ASXL1: variants seen among roughly 807,000 people sequenced by gnomAD.
ASXL1 encodes the protein polycomb group protein ASXL1.
A neutral mutation model predicts 89.1 loss-of-function variants in ASXL1; 65 were observed. That is an observed-to-expected ratio of 0.73 (90% CI 0.60 to 0.90). The LOEUF is 0.90. ASXL1 is among the 40% of genes least tolerant of loss of function. The probability of loss-of-function intolerance (pLI) is 0.00; values close to 1 mark genes in which losing one functional copy is unlikely to be tolerated. For missense variants in ASXL1, 1,786 were observed against 1,942.9 expected, an observed-to-expected ratio of 0.92 and a Z score of 1.52; for synonymous variants, 739 against 746.9, an observed-to-expected ratio of 0.99 and a Z score of 0.17.
At chr20:32,403,899 A>G (rs958456864) in intron 4 of ASXL1, among the ~76,000 whole-genome samples, 2 of 152,022 alleles carry the variant, frequency 1.3e-5, no homozygotes, top group Non-Finnish European at 2.9e-5. Context: ...AAGGTACATA[A>G]TAATTGTACA....
intron 4 of ASXL1, among the ~76,000 whole-genome samples, chr20:32,423,804 C>T (rs2011202372): frequency 6.6e-6 from 1 of 152,314 alleles, no homozygotes. Context: ...CTGGCTTGGC[C>T]TCCCAAAATG....
At chr20:32,400,488 C>T (rs1236172943) in intron 4 of ASXL1, among the ~76,000 whole-genome samples, 1 of 152,160 alleles carries the variant, frequency 6.6e-6, no homozygotes, top group Non-Finnish European at 1.5e-5. Context: ...AGATTCTTCC[C>T]AAATCTTGAG....
chr20:32,364,363 G>A (rs975027967), intron 1 of ASXL1, among the ~76,000 whole-genome samples: 13 of 151,834 alleles, frequency 8.6e-5, no homozygotes, highest in Middle Eastern at 3.4e-3. Flanking sequence ...TTACGGGCAT[G>A]AGCCACCATG....
At chr20:32,366,639 G>A (rs1011278074) in intron 2 of ASXL1, 173 bp downstream of exon 2, 1 of 874,970 alleles carries the variant, frequency 1.1e-6, no homozygotes, top group African/African-American at 1.8e-5. Flanking sequence ...GGGTGGCAGT[G>A]GGTGAACATC....
At chr20:32,405,672 T>G (rs7268868) in intron 4 of ASXL1, among the ~76,000 whole-genome samples, 2 of 152,206 alleles carry the variant, frequency 1.3e-5, no homozygotes, top group Admixed American at 6.5e-5. Context: ...CTTGACTCCT[T>G]TGAAGACTAC....
intron 1 of ASXL1, among the ~76,000 whole-genome samples, chr20:32,362,039 A>C (rs1051064145): frequency 6.6e-6 from 1 of 152,194 alleles, no homozygotes; most frequent in Non-Finnish European, 1.5e-5. Flanking sequence ...ACTGCACTCC[A>C]GCGGCGACAG....
chr20:32,396,957 C>G (rs531006983), intron 4 of ASXL1, among the ~76,000 whole-genome samples: 1 of 149,832 alleles, frequency 6.7e-6, no homozygotes, highest in South Asian at 2.1e-4. Context: ...ATAAAATACA[C>G]TAATGATAGC....
chr20:32,359,883 T>TTA (rs1458737902), intron 1 of ASXL1: 2 of 715,892 alleles, frequency 2.8e-6, no homozygotes, highest in Admixed American at 2.0e-5. Flanking sequence ...TAGTAACAGG[T>TTA]TATACTAAGA....
intron 4 of ASXL1, among the ~76,000 whole-genome samples, chr20:32,422,677 TC>T (rs2011175052): frequency 6.7e-6 from 1 of 149,028 alleles, no homozygotes; most frequent in Non-Finnish European, 1.5e-5. Flanking sequence ...ACCTTTGCCT[TC>T]CAGGTTCAAG....
intron 4 of ASXL1, among the ~76,000 whole-genome samples, chr20:32,421,574 T>G (rs2123166127): frequency 6.6e-6 from 1 of 152,286 alleles, no homozygotes; most frequent in South Asian, 2.1e-4. Context: ...ATGTTCATAA[T>G]AGCTTTATTC....
intron 8 of ASXL1, 95 bp from the exon 9 acceptor site, chr20:32,431,226 G>A: frequency 1.4e-6 from 2 of 1,472,960 alleles, no homozygotes; most frequent in Non-Finnish European, 1.9e-6. Flanking sequence ...TAACTCCTGG[G>A]TAGCTTGGGT....
Position 32,434,759 on chromosome 20 carries a change from A to G in ASXL1, c.2047A>G (p.Thr683Ala), listed in dbSNP as rs1245899583. The part of the protein sequence containing the change: ...GHPEPRGGPS[T>A]PGKCTSDLQR... ...CCCTGAGCCCAGGGGAGGCCCGAGC[A>G]CCCCTGGAAAGTGTACGTCAGATCT... The change falls in exon 13 of 13, where the codon ACC (threonine) becomes GCC (alanine). Residue 683 changes from threonine to alanine, a missense_variant. Coordinates refer to ENST00000375687, the MANE Select transcript of ASXL1 (RefSeq NM_015338.6). 29 of 1,613,258 alleles carry G rather than the reference A, an allele frequency of 1.8e-5. 2 individuals are homozygous for G. The Middle Eastern group carries it at 9.9e-4, about 55-fold the overall frequency.
intron 4 of ASXL1, among the ~76,000 whole-genome samples, chr20:32,376,867 T>TAATATAAATATC (rs2048389150): frequency 2.1e-5 from 3 of 140,672 alleles, no homozygotes; most frequent in African/African-American, 7.6e-5. Flanking sequence ...TATATAATTA[T>TAATATAAATATC]ATGTTATATA....
At chr20:32,388,019 T>A (rs2048608957) in intron 4 of ASXL1, among the ~76,000 whole-genome samples, 1 of 152,214 alleles carries the variant, frequency 6.6e-6, no homozygotes, top group Admixed American at 6.5e-5. Flanking sequence ...TAAATCCTGT[T>A]GGCTCTATCT....
At chr20:32,383,469 G>C (rs1380469421) in intron 4 of ASXL1, among the ~76,000 whole-genome samples, 41 of 152,038 alleles carry the variant, frequency 2.7e-4, no homozygotes, top group Admixed American at 2.7e-3. Context: ...ACCATGCCCG[G>C]CTAATTTTTT....
At position 32,435,090 on chromosome 20, in the gene ASXL1, C is replaced by A; in HGVS notation, c.2378C>A (p.Thr793Asn). The change falls in exon 13 of 13, where the codon ACC becomes AAC. Residue 793 changes from threonine to asparagine, a missense_variant. By Grantham distance (65) the Thr-to-Asn change is moderately conservative. Transcript: ENST00000375687. ...GTTAGAACTGAATGTGAGTCTGGCACCACTTCCTGGGAAAGTGATGATGAG... is the reference window on the plus strand; with the variant it reads ...GTTAGAACTGAATGTGAGTCTGGCAACACTTCCTGGGAAAGTGATGATGAG... The part of the protein sequence containing the change: ...PDVRTECESG[T>N]TSWESDDEEQ... The A allele has an allele frequency of 2.5e-6, 4 of 1,613,992 alleles. No homozygotes were observed. Among genetic ancestry groups the A allele is most frequent in the Non-Finnish European group, 3.4e-6 (4 of 1,180,018 alleles).
intron 4 of ASXL1, among the ~76,000 whole-genome samples, chr20:32,379,161 CTTTTTTTTTTTTTTTTTTTTTT>C (rs71187113): frequency 2.4e-4 from 15 of 61,794 alleles, no homozygotes; most frequent in East Asian, 1.3e-3. Flanking sequence ...TAACTTCAGT[CTTTTTTTTTTTTTTTTTTTTTT>C]TTTTTTTTTT....
intron 4 of ASXL1, among the ~76,000 whole-genome samples, chr20:32,422,170 C>T (rs888503306): frequency 6.7e-6 from 1 of 148,308 alleles, no homozygotes; most frequent in Non-Finnish European, 1.5e-5. Flanking sequence ...TGAGCCACCG[C>T]GCCCGGCCGA....
At chr20:32,368,031 T>A (rs2048235498) in intron 3 of ASXL1, among the ~76,000 whole-genome samples, 2 of 152,214 alleles carry the variant, frequency 1.3e-5, no homozygotes, top group South Asian at 4.1e-4. Context: ...AAATAAGTAA[T>A]AGTTTTTTAA....
Sources: allele counts gnomAD v4.1 joint callset (sites outside exome capture counted in the v4.1 genomes callset), GRCh38; gene constraint gnomAD v4.1.1; transcripts MANE v1.5; gene names NCBI Gene and HGNC (gene_info 2026-07-23, HGNC 2026-07-21).